PPP1R12B: variants seen among roughly 807,000 people sequenced by gnomAD.
PPP1R12B encodes the protein myosin phosphatase target subunit 2.
Under a neutral mutation model 126.1 loss-of-function variants are expected in PPP1R12B, and 76 were observed. That is an observed-to-expected ratio of 0.60 (90% CI 0.50 to 0.73). The LOEUF is 0.73. Among genes scored for constraint, PPP1R12B ranks in the 30% least tolerant of loss-of-function variants. The pLI, the probability that PPP1R12B is intolerant of heterozygous loss-of-function variation, is 0.00. For missense variants in PPP1R12B, 1,052 were observed against 1,205.1 expected, an observed-to-expected ratio of 0.87 and a Z score of 1.88; for synonymous variants, 356 against 434.7, an observed-to-expected ratio of 0.82 and a Z score of 2.25.
intron 1 of PPP1R12B, among the ~76,000 whole-genome samples, chr1:202,397,551 T>C (rs1203548412): frequency 8.5e-5 from 13 of 152,226 alleles, no homozygotes; most frequent in Admixed American, 8.5e-4. Flanking sequence ...AACCTTTCCC[T>C]TCCTTAGAGG....
At chr1:202,381,434 G>GTGTGTGTGTGTATGTGTGTA (rs71142528) in intron 1 of PPP1R12B, among the ~76,000 whole-genome samples, 1 of 131,128 alleles carries the variant, frequency 7.6e-6, no homozygotes, top group Non-Finnish European at 1.6e-5. Flanking sequence ...GTGTGTGTGT[G>GTGTGTGTGTGTATGTGTGTA]TGTATCATCC....
At chr1:202,523,235 C>G (rs865930746) in intron 18 of PPP1R12B, among the ~76,000 whole-genome samples, 2 of 152,088 alleles carry the variant, frequency 1.3e-5, no homozygotes, top group African/African-American at 4.8e-5. Context: ...AGTGTACATT[C>G]TAGCAGGGAG....
intron 13 of PPP1R12B, among the ~76,000 whole-genome samples, chr1:202,451,000 TCTTTC>T (rs1331240969): frequency 1.3e-5 from 2 of 152,180 alleles, no homozygotes; most frequent in Non-Finnish European, 2.9e-5. Flanking sequence ...ATATGGAATA[TCTTTC>T]CTTTATTTGT....
Position 202,532,237 on chromosome 1 carries a change from T to C in PPP1R12B, c.2491-26640T>C, listed in dbSNP as rs796966207. Among the ~76,000 whole-genome samples, 6 of 152,348 alleles carry C rather than the reference T, an allele frequency of 3.9e-5. 1 individual carries two copies. The highest frequency in any genetic ancestry group is 1.4e-4 in the African/African-American group (6 of 41,584). On this transcript the variant is annotated intron_variant, in intron 18 of 23. Transcript: ENST00000608999. ...TTTATAATTAGTGTATAATGAGTCA[T>C]GAGGACGAACAGAGGTCACTCTCAT... is the stretch of plus-strand genomic sequence containing the variant.
chr1:202,559,621 C>T (rs980560821), intron 19 of PPP1R12B, among the ~76,000 whole-genome samples: 3 of 152,078 alleles, frequency 2.0e-5, no homozygotes, highest in Non-Finnish European at 4.4e-5. Context: ...TACTGTTACT[C>T]TGATGGAGAA....
Position 202,431,580 on chromosome 1 carries a change from G to A in PPP1R12B, c.1102G>A (p.Glu368Lys), listed in dbSNP as rs1468959119. The part of the protein sequence containing the change: ...SSSSSEEEEG[E>K]DEASESETEK... ...CTCCAGCTCAGAGGAGGAGGAAGGT[G>A]AAGATGAAGCTTCTGAGTCAGAAAC... The change falls in exon 8 of 24, where the codon GAA (glutamate) becomes AAA (lysine). Residue 368 changes from glutamate (E) to lysine (K), a missense_variant. Glu to Lys is a moderately conservative substitution (Grantham distance 56). Coordinates refer to ENST00000608999, the MANE Select transcript of PPP1R12B (RefSeq NM_002481.4). 1.2e-6 allele frequency: 2 copies of A among 1,611,414 alleles called. No homozygotes were observed. Among genetic ancestry groups the A allele is most frequent in the African/African-American group, 2.7e-5 (2 of 74,632 alleles).
At chr1:202,458,466 T>A (rs1487585421) in intron 13 of PPP1R12B, among the ~76,000 whole-genome samples, 2 of 140,534 alleles carry the variant, frequency 1.4e-5, no homozygotes, top group African/African-American at 5.1e-5. Context: ...TTGGAAATTG[T>A]CAAGCTAGAG....
At chr1:202,570,400 G>A (rs1688479567) in intron 23 of PPP1R12B, among the ~76,000 whole-genome samples, 1 of 152,138 alleles carries the variant, frequency 6.6e-6, no homozygotes, top group African/African-American at 2.4e-5. Context: ...CCAGAATGAA[G>A]GAGAAATGCT....
intron 18 of PPP1R12B, chr1:202,539,907 G>C (rs777757943): frequency 9.1e-6 from 5 of 550,418 alleles, no homozygotes; most frequent in Non-Finnish European, 1.4e-5. Flanking sequence ...GAGAACCTGT[G>C]GTCAAAGCTG....
At chr1:202,504,552 C>A (rs1680608597) in intron 18 of PPP1R12B, among the ~76,000 whole-genome samples, 1 of 152,156 alleles carries the variant, frequency 6.6e-6, no homozygotes, top group Non-Finnish European at 1.5e-5. Flanking sequence ...ACCTAGTTAA[C>A]ACTGTCATTT....
chr1:202,543,291 T>C (rs1386046232), intron 18 of PPP1R12B, among the ~76,000 whole-genome samples: 1 of 152,164 alleles, frequency 6.6e-6, no homozygotes, highest in African/African-American at 2.4e-5. Context: ...GCTGATGATA[T>C]ACTCCCTAAT....
chr1:202,401,704 T>A (rs1485527176), intron 1 of PPP1R12B, among the ~76,000 whole-genome samples: 1 of 152,194 alleles, frequency 6.6e-6, no homozygotes, highest in Non-Finnish European at 1.5e-5. Flanking sequence ...GTGTTTTTCT[T>A]GTATAGCTAA....
intron 18 of PPP1R12B, among the ~76,000 whole-genome samples, chr1:202,536,166 C>T (rs1490902927): frequency 1.3e-5 from 2 of 152,192 alleles, no homozygotes; most frequent in African/African-American, 2.4e-5. Context: ...GGTCACGAGT[C>T]CCTTAACGAC....
intron 1 of PPP1R12B, among the ~76,000 whole-genome samples, chr1:202,402,897 A>C (rs201975773): frequency 6.6e-6 from 1 of 152,260 alleles, no homozygotes; most frequent in Non-Finnish European, 1.5e-5. Flanking sequence ...ACTCTAGTTT[A>C]TAGTTAAGTA....
chr1:202,373,861 A>G (rs2148460098), intron 1 of PPP1R12B, among the ~76,000 whole-genome samples: 1 of 152,268 alleles, frequency 6.6e-6, no homozygotes, highest in Admixed American at 6.5e-5. Context: ...AGATTTTTGT[A>G]AAGCAGAGGT....
At chr1:202,580,225 A>G (rs1289391055) in intron 23 of PPP1R12B, among the ~76,000 whole-genome samples, 1 of 152,244 alleles carries the variant, frequency 6.6e-6, no homozygotes, top group African/African-American at 2.4e-5. Flanking sequence ...CTATGAAGAA[A>G]TAAGATATTA....
intron 1 of PPP1R12B, among the ~76,000 whole-genome samples, chr1:202,404,359 C>CA (rs1666287897): frequency 6.6e-6 from 1 of 151,970 alleles, no homozygotes; most frequent in African/African-American, 2.4e-5. Context: ...CTCACTATTC[C>CA]AAAAAATGGA....
At chr1:202,423,969 G>A (rs1669152449) in intron 3 of PPP1R12B, among the ~76,000 whole-genome samples, 1 of 152,168 alleles carries the variant, frequency 6.6e-6, no homozygotes, top group African/African-American at 2.4e-5. Context: ...AAAGGTGTGA[G>A]CTATAGCGCC....
At chr1:202,445,229 G>T in intron 12 of PPP1R12B, 1 of 1,246,078 alleles carries the variant, frequency 8.0e-7, no homozygotes. Flanking sequence ...ATCATGGCAG[G>T]TAAGGCTTCT....
Sources: gnomAD v4.1 joint callset for allele counts (sites outside exome capture counted in the v4.1 genomes callset) on GRCh38, gnomAD v4.1.1 for gene constraint, MANE v1.5 for transcripts, NCBI Gene and HGNC (gene_info 2026-07-23, HGNC 2026-07-21) for gene names.